Variants in AFF3 observed in about 807,000 individuals in gnomAD.
AFF3 encodes AF4/FMR2 family member 3.
In AFF3, 32 loss-of-function variants were observed where a neutral mutation model predicts 129.7. That is an observed-to-expected ratio of 0.25 (90% CI 0.19 to 0.33). AFF3 has a LOEUF of 0.33. Ranked by LOEUF, AFF3 falls within the 10% of genes least tolerant of loss-of-function variation. AFF3 has a pLI of 1.00. For synonymous variants in AFF3, 644 were observed against 635.4 expected, an observed-to-expected ratio of 1.01 and a Z score of -0.20; for missense variants, 1,373 against 1,592.0, an observed-to-expected ratio of 0.86 and a Z score of 2.34.
intron 18 of AFF3, among the ~76,000 whole-genome samples, chr2:99,571,191 GGGGT>G (rs1676444053): frequency 6.6e-6 from 1 of 152,146 alleles, no homozygotes. Flanking sequence ...GCCTTCCGAT[GGGGT>G]GCAGCATCGC....
chr2:100,042,485 G>A (rs1258486955), intron 4 of AFF3, among the ~76,000 whole-genome samples: 1 of 152,148 alleles, frequency 6.6e-6, no homozygotes, highest in African/African-American at 2.4e-5. Flanking sequence ...TCCACCACAA[G>A]CATTTGTTAC....
intron 11 of AFF3, among the ~76,000 whole-genome samples, chr2:99,710,776 A>G (rs535320022): frequency 1.3e-5 from 2 of 152,270 alleles, no homozygotes; most frequent in South Asian, 2.1e-4. Flanking sequence ...GTGGGGGTGG[A>G]ATTCTCTGCG....
At chr2:100,032,521 A>G (rs1241708960) in intron 4 of AFF3, among the ~76,000 whole-genome samples, 2 of 152,194 alleles carry the variant, frequency 1.3e-5, no homozygotes, top group African/African-American at 4.8e-5. Flanking sequence ...CGAAGTTCTC[A>G]AAGTTATAAC....
intron 4 of AFF3, among the ~76,000 whole-genome samples, chr2:100,088,767 G>A (rs962843772): frequency 5.3e-5 from 8 of 151,548 alleles, no homozygotes; most frequent in African/African-American, 1.9e-4. Flanking sequence ...ATATTGCATC[G>A]TGATACTCAC....
At chr2:99,615,366 G>T (rs1268520318) in intron 13 of AFF3, among the ~76,000 whole-genome samples, 1 of 152,186 alleles carries the variant, frequency 6.6e-6, no homozygotes, top group Non-Finnish European at 1.5e-5. Flanking sequence ...GCCTGTCCTG[G>T]GCACTGTTTG....
At chr2:100,083,527 T>C (rs1257759127) in intron 4 of AFF3, among the ~76,000 whole-genome samples, 1 of 152,164 alleles carries the variant, frequency 6.6e-6, no homozygotes, top group Non-Finnish European at 1.5e-5. Context: ...TGCCCACCGT[T>C]TCCTTTGCTG....
intron 13 of AFF3, among the ~76,000 whole-genome samples, chr2:99,620,844 C>T (rs939317225): frequency 1.3e-5 from 2 of 152,088 alleles, no homozygotes; most frequent in Non-Finnish European, 2.9e-5. Context: ...TTTATAGGAG[C>T]CTGGTACCTC....
intron 7 of AFF3, among the ~76,000 whole-genome samples, chr2:99,966,846 A>C (rs1226109437): frequency 6.6e-6 from 1 of 152,104 alleles, no homozygotes; most frequent in Non-Finnish European, 1.5e-5. Context: ...TGATTTAAAT[A>C]ATTTCATTAA....
At chr2:99,748,449 G>A (rs750282342) in intron 9 of AFF3, among the ~76,000 whole-genome samples, 4 of 152,116 alleles carry the variant, frequency 2.6e-5, no homozygotes, top group Admixed American at 6.5e-5. Flanking sequence ...GCAAGTTAGC[G>A]GTGGAGGTGA....
chr2:100,105,937 G>A (rs1324386192), intron 2 of AFF3: 1 of 1,328,668 alleles, frequency 7.5e-7, no homozygotes, highest in Admixed American at 2.3e-5. Context: ...CCTTTTTCTG[G>A]GCAAGAACCG....
At chr2:100,019,532 T>C (rs1683413875) in intron 4 of AFF3, among the ~76,000 whole-genome samples, 1 of 152,190 alleles carries the variant, frequency 6.6e-6, no homozygotes, top group South Asian at 2.1e-4. Flanking sequence ...CTCACTAATG[T>C]ACCTGAGAGG....
chr2:99,716,582 CTA>C lies in AFF3; in HGVS notation c.1091+10493_1091+10494del, dbSNP rs150305524. On this transcript the variant is annotated intron_variant, in intron 11 of 24. Transcript: ENST00000672756. ...ATCAGGTAAAAAAGCTGTCACATAACTATATATATATATATATAGGCTGGGTG... is the reference window on the plus strand; with the variant it reads ...ATCAGGTAAAAAAGCTGTCACATAACTATATATATATATATAGGCTGGGTG... 2.2e-3 allele frequency among the ~76,000 whole-genome samples: 330 copies of C among 146,678 alleles called. 3 individuals carry two copies. The highest frequency in any genetic ancestry group is 7.0e-3 in the Middle Eastern group (2 of 286).
chr2:99,965,627 T>C (rs1375171294), intron 7 of AFF3, among the ~76,000 whole-genome samples: 2 of 152,222 alleles, frequency 1.3e-5, no homozygotes, highest in Non-Finnish European at 2.9e-5. Context: ...CCTGTTTAAA[T>C]GAATAAATTG....
intron 7 of AFF3, among the ~76,000 whole-genome samples, chr2:99,878,423 AAG>A (rs1576257272): frequency 6.6e-6 from 1 of 152,202 alleles, no homozygotes; most frequent in African/African-American, 2.4e-5. Context: ...GGGACACACT[AAG>A]AGTTCATGAT....
At chr2:99,599,614 C>T (rs1442318630) in intron 14 of AFF3, among the ~76,000 whole-genome samples, 2 of 152,140 alleles carry the variant, frequency 1.3e-5, no homozygotes, top group Non-Finnish European at 2.9e-5. Flanking sequence ...ACCTACATTT[C>T]AGGATGAAAA....
chr2:99,909,241 AAAACC>A (rs1364960516), intron 7 of AFF3, among the ~76,000 whole-genome samples: 2 of 151,670 alleles, frequency 1.3e-5, no homozygotes, highest in Non-Finnish European at 1.5e-5. Context: ...CAAGGACAAA[AAAACC>A]AAACACCGCA....
chr2:99,797,204 T>C (rs1685612983), intron 8 of AFF3, among the ~76,000 whole-genome samples: 1 of 152,164 alleles, frequency 6.6e-6, no homozygotes, highest in Admixed American at 6.5e-5. Flanking sequence ...CAGTTACTAT[T>C]TGTAATATGT....
chr2:99,663,625 A>G (rs1252305308), intron 12 of AFF3, among the ~76,000 whole-genome samples: 3 of 152,356 alleles, frequency 2.0e-5, no homozygotes, highest in South Asian at 4.1e-4. Context: ...ATTAGATCCA[A>G]TGATTGTTGT....
intron 8 of AFF3, among the ~76,000 whole-genome samples, chr2:99,815,761 G>T (rs1687182034): frequency 6.8e-6 from 1 of 146,324 alleles, no homozygotes; most frequent in Non-Finnish European, 1.5e-5. Flanking sequence ...CTGTTTTCTT[G>T]CTTGTTAGTT....
Sources: allele counts gnomAD v4.1 joint callset (sites outside exome capture counted in the v4.1 genomes callset), GRCh38; gene constraint gnomAD v4.1.1; transcripts MANE v1.5; gene names NCBI Gene and HGNC (gene_info 2026-07-23, HGNC 2026-07-21).